The following BRINP3 variants were observed in gnomAD, a reference collection of about 807,000 sequenced individuals.
BRINP3 encodes the protein BMP/retinoic acid-inducible neural-specific protein 3.
Under a neutral mutation model 71.0 loss-of-function variants are expected in BRINP3, and 19 were observed. That is an observed-to-expected ratio of 0.27 (90% CI 0.19 to 0.39). The LOEUF (loss-of-function observed/expected upper bound fraction) is 0.39, where lower values mean the gene tolerates loss of function less well. Ranked by LOEUF, BRINP3 falls within the 10% of genes least tolerant of loss-of-function variation. The probability of loss-of-function intolerance (pLI) is 1.00; values close to 1 mark genes in which losing one functional copy is unlikely to be tolerated. For missense variants in BRINP3, 959 were observed against 940.8 expected (o/e 1.02, Z -0.25); for synonymous variants, 380 against 337.7 (o/e 1.13, Z -1.37).
intron 6 of BRINP3, among the ~76,000 whole-genome samples, chr1:190,187,595 A>G (rs963438143): frequency 2.0e-5 from 3 of 152,108 alleles, no homozygotes; most frequent in African/African-American, 7.2e-5. Context: ...TCTTTTCTGT[A>G]CAGATGTTCA....
At chr1:190,101,932 G>A (rs1651739963) in intron 7 of BRINP3, among the ~76,000 whole-genome samples, 1 of 152,126 alleles carries the variant, frequency 6.6e-6, no homozygotes, top group Non-Finnish European at 1.5e-5. Flanking sequence ...AATACATTAT[G>A]GAAGGAAAGC....
intron 1 of BRINP3, among the ~76,000 whole-genome samples, chr1:190,460,408 TG>T (rs1162120476): frequency 3.3e-5 from 5 of 151,934 alleles, no homozygotes; most frequent in Non-Finnish European, 5.9e-5. Flanking sequence ...TACATAATTG[TG>T]TAAGTAAATA....
intron 2 of BRINP3, among the ~76,000 whole-genome samples, chr1:190,354,206 T>C (rs1417089712): frequency 2.0e-5 from 3 of 152,070 alleles, no homozygotes; most frequent in Admixed American, 1.3e-4. Context: ...ATTGATTTGT[T>C]TATTCTAATG....
chr1:190,288,171 T>C (rs529717130), intron 2 of BRINP3, among the ~76,000 whole-genome samples: 8 of 151,990 alleles, frequency 5.3e-5, no homozygotes, highest in Non-Finnish European at 1.0e-4. Flanking sequence ...ACAAATATTA[T>C]ATCAACTTAT....
intron 7 of BRINP3, among the ~76,000 whole-genome samples, chr1:190,140,365 T>C (rs757579089): frequency 4.6e-5 from 7 of 152,080 alleles, no homozygotes; most frequent in Non-Finnish European, 8.8e-5. Context: ...TCTACAATTA[T>C]ATGTGATACT....
intron 6 of BRINP3, among the ~76,000 whole-genome samples, chr1:190,179,118 A>G (rs1291485729): frequency 6.6e-6 from 1 of 152,140 alleles, no homozygotes; most frequent in Non-Finnish European, 1.5e-5. Flanking sequence ...GGAGGCCCTT[A>G]ATATATTTAA....
intron 6 of BRINP3, among the ~76,000 whole-genome samples, chr1:190,182,152 T>A (rs926061238): frequency 2.0e-5 from 3 of 152,206 alleles, no homozygotes; most frequent in Non-Finnish European, 4.4e-5. Context: ...CTGTTGTGTG[T>A]CTTGGTGTGG....
intron 2 of BRINP3, among the ~76,000 whole-genome samples, chr1:190,323,846 G>A (rs1417994181): frequency 6.6e-6 from 1 of 151,820 alleles, no homozygotes; most frequent in Non-Finnish European, 1.5e-5. Context: ...GGAGTGATGA[G>A]TGATAAAGTC....
intron 2 of BRINP3, among the ~76,000 whole-genome samples, chr1:190,355,025 T>C (rs1668641549): frequency 6.6e-6 from 1 of 151,886 alleles, no homozygotes; most frequent in African/African-American, 2.4e-5. Flanking sequence ...ATTCTTCAGA[T>C]TTTATGAATA....
chr1:190,344,248 C>T (rs778114242), intron 2 of BRINP3, among the ~76,000 whole-genome samples: 1 of 151,750 alleles, frequency 6.6e-6, no homozygotes, highest in Non-Finnish European at 1.5e-5. Flanking sequence ...GTTTAACATA[C>T]ATTAATTTCA....
At chr1:190,391,921 C>G (rs1247109717) in intron 2 of BRINP3, among the ~76,000 whole-genome samples, 1 of 151,724 alleles carries the variant, frequency 6.6e-6, no homozygotes, top group African/African-American at 2.4e-5. Flanking sequence ...CAAAAGCCAT[C>G]ATTTTTGGTT....
chr1:190,338,249 C>T (rs548695117), intron 2 of BRINP3, among the ~76,000 whole-genome samples: 14 of 152,150 alleles, frequency 9.2e-5, no homozygotes, highest in African/African-American at 3.4e-4. Context: ...CTAAATAGAG[C>T]AGACTATCTA....
intron 6 of BRINP3, among the ~76,000 whole-genome samples, chr1:190,184,633 G>A (rs1171553708): frequency 1.3e-5 from 2 of 151,778 alleles, no homozygotes; most frequent in Non-Finnish European, 2.9e-5. Context: ...CGCAAAAACA[G>A]AAAAAAAATA....
intron 7 of BRINP3, among the ~76,000 whole-genome samples, chr1:190,151,207 G>T (rs984267989): frequency 6.6e-6 from 1 of 152,046 alleles, no homozygotes; most frequent in African/African-American, 2.4e-5. Context: ...AGTTTAAAAG[G>T]CATCCACTTA....
At chr1:190,264,080 T>C (rs143044058) in intron 4 of BRINP3, among the ~76,000 whole-genome samples, 21 of 152,326 alleles carry the variant, frequency 1.4e-4, no homozygotes, top group African/African-American at 5.1e-4. Flanking sequence ...TGACTGTTAA[T>C]TTTACAATGG....
intron 6 of BRINP3, among the ~76,000 whole-genome samples, chr1:190,211,136 T>C (rs905308296): frequency 6.6e-6 from 1 of 152,020 alleles, no homozygotes; most frequent in South Asian, 2.1e-4. Flanking sequence ...GACGGCCTAT[T>C]GTGGGACTTT....
intron 2 of BRINP3, among the ~76,000 whole-genome samples, chr1:190,330,764 G>C (rs539168812): frequency 6.6e-6 from 1 of 152,038 alleles, no homozygotes; most frequent in Non-Finnish European, 1.5e-5. Flanking sequence ...TAAAGATTAT[G>C]TGGTATATGC....
chr1:190,349,379 A>C (rs1035521715), intron 2 of BRINP3, among the ~76,000 whole-genome samples: 1 of 152,136 alleles, frequency 6.6e-6, no homozygotes, highest in Admixed American at 6.6e-5. Context: ...AAGGAGAAAC[A>C]GGAGGTATTA....
chr1:190,176,284 G>A (rs887283332), intron 6 of BRINP3, among the ~76,000 whole-genome samples: 10 of 152,180 alleles, frequency 6.6e-5, no homozygotes, highest in African/African-American at 2.4e-4. Flanking sequence ...GTTGAGAGAT[G>A]TGGGCTAGTA....
Sources: allele counts gnomAD v4.1 joint callset (sites outside exome capture counted in the v4.1 genomes callset), GRCh38; gene constraint gnomAD v4.1.1; transcripts MANE v1.5; gene names NCBI Gene and HGNC (gene_info 2026-07-23, HGNC 2026-07-21).